The following ADAMTSL1 variants were observed in gnomAD, a reference collection of about 807,000 sequenced individuals.
ADAMTSL1 encodes the protein ADAMTS like 1.
ADAMTSL1 carries 126 observed loss-of-function variants against 201.8 expected under a neutral mutation model. That is an observed-to-expected ratio of 0.62 (90% CI 0.54 to 0.72). ADAMTSL1 has a LOEUF of 0.72. ADAMTSL1 is among the 30% of genes least tolerant of loss of function. The pLI is 0.00. For synonymous variants in ADAMTSL1, 1,121 were observed against 903.4 expected (o/e 1.24, Z -4.32); for missense variants, 2,679 against 2,277.8 (o/e 1.18, Z -3.59).
chr9:18,725,733 A>C (rs1359089229), intron 15 of ADAMTSL1, among the ~76,000 whole-genome samples: 1 of 152,342 alleles, frequency 6.6e-6, no homozygotes, highest in Non-Finnish European at 1.5e-5. Flanking sequence ...CATCTTCTTC[A>C]GTTCTAGTTC....
At chr9:18,144,394 C>G (rs1826538578) in intron 1 of ADAMTSL1, among the ~76,000 whole-genome samples, 1 of 151,958 alleles carries the variant, frequency 6.6e-6, no homozygotes, top group South Asian at 2.1e-4. Context: ...TTAGTAGAGA[C>G]AGGGTTTCAC....
intron 14 of ADAMTSL1, among the ~76,000 whole-genome samples, chr9:18,709,856 A>G (rs1280796402): frequency 6.6e-6 from 1 of 152,168 alleles, no homozygotes; most frequent in Non-Finnish European, 1.5e-5. Context: ...CTTCAGCAAA[A>G]ATGGAAGATG....
At chr9:18,302,632 AC>A (rs1833751294) in intron 2 of ADAMTSL1, among the ~76,000 whole-genome samples, 1 of 152,022 alleles carries the variant, frequency 6.6e-6, no homozygotes. Context: ...TATGACTTAA[AC>A]CCTTTTTCTT....
At position 18,777,562 on chromosome 9, in the gene ADAMTSL1, C is replaced by T. The variant is rs745929670; in HGVS notation, c.3333C>T (p.Ser1111=). The change falls in exon 19 of 29, where the codon AGC becomes AGT. Residue 1111 remains serine (S), a synonymous_variant. Transcript: ENST00000380548. ...VAQLAQEIFR[S]HLEHQDTLLK... ...AGCTGGCCCAGGAGATCTTCCGCAG[C>T]CACCTGGAGCACCAGGACACGCTCC... 3.7e-6 allele frequency: 6 copies of T among 1,607,520 alleles called. No individual in the cohort carries two copies. The African/African-American group carries it at 4.0e-5, about 11-fold the overall frequency.
At chr9:18,359,742 C>G (rs1451898564) in intron 2 of ADAMTSL1, among the ~76,000 whole-genome samples, 1 of 151,024 alleles carries the variant, frequency 6.6e-6, no homozygotes, top group Non-Finnish European at 1.5e-5. Flanking sequence ...TTATTTTTAA[C>G]TTTTCTAAGG....
chr9:18,903,927 A>G (rs973141309), intron 26 of ADAMTSL1, among the ~76,000 whole-genome samples: 1 of 151,232 alleles, frequency 6.6e-6, no homozygotes, highest in Non-Finnish European at 1.5e-5. Flanking sequence ...TACTCACTCT[A>G]TAGTAACTCA....
chr9:18,457,621 T>C lies in ADAMTSL1; in HGVS notation c.208-47208T>C, dbSNP rs544153043. Among the ~76,000 whole-genome samples, 5 of 152,272 alleles carry C rather than the reference T, an allele frequency of 3.3e-5. No individual in the cohort carries two copies. In the East Asian group the frequency reaches 9.7e-4, roughly 29 times the overall value. On this transcript the variant is annotated intron_variant, in intron 2 of 29. Coordinates refer to the ADAMTSL1 transcript ENST00000680146. ...AGTGCTGGGATTATAGGCATAAGCC[T>C]CTGCACCCGACCAGAAGAATTTCTA...
intron 8 of ADAMTSL1, 29 bp from the exon 9 acceptor site, chr9:18,661,906 A>C: frequency 6.2e-7 from 1 of 1,600,818 alleles, no homozygotes. Flanking sequence ...ATGTACATTT[A>C]AACTTGCCTG....
intron 1 of ADAMTSL1, among the ~76,000 whole-genome samples, chr9:18,066,273 T>C (rs1822696828): frequency 6.6e-6 from 1 of 152,088 alleles, no homozygotes; most frequent in Admixed American, 6.5e-5. Context: ...GCACCAATAA[T>C]AGAAGTATTA....
chr9:17,926,835 T>C (rs1826556975), intron 1 of ADAMTSL1, among the ~76,000 whole-genome samples: 1 of 152,212 alleles, frequency 6.6e-6, no homozygotes, highest in Non-Finnish European at 1.5e-5. Context: ...TTCTCCGACA[T>C]TACAGTGAAA....
At chr9:17,972,122 A>G (rs115749574) in intron 1 of ADAMTSL1, among the ~76,000 whole-genome samples, 3,192 of 151,818 alleles carry the variant, frequency 0.021, 112 homozygotes, top group African/African-American at 0.074. Flanking sequence ...TGTGGTGAGA[A>G]CATTTAAGTT....
intron 2 of ADAMTSL1, among the ~76,000 whole-genome samples, chr9:18,293,167 G>T (rs1479858419): frequency 1.3e-5 from 2 of 152,180 alleles, no homozygotes. Context: ...ATCCACCACT[G>T]ATGGGCACCT....
chr9:18,644,783 A>G (rs1361777498), intron 7 of ADAMTSL1, among the ~76,000 whole-genome samples: 1 of 151,644 alleles, frequency 6.6e-6, no homozygotes, highest in Admixed American at 6.6e-5. Flanking sequence ...AATCCAGTCT[A>G]TCATTGTTGG....
intron 21 of ADAMTSL1, among the ~76,000 whole-genome samples, chr9:18,818,976 T>C (rs529449688): frequency 6.6e-6 from 1 of 152,084 alleles, no homozygotes; most frequent in Non-Finnish European, 1.5e-5. Flanking sequence ...CTGACAGGGG[T>C]TGGCATGAAT....
chr9:18,730,595 G>A (rs897364535), intron 15 of ADAMTSL1, among the ~76,000 whole-genome samples: 1 of 152,102 alleles, frequency 6.6e-6, no homozygotes, highest in African/African-American at 2.4e-5. Context: ...ATTTTATCTA[G>A]TTATCTTTAT....
chr9:18,322,494 G>A (rs368454915), intron 2 of ADAMTSL1, among the ~76,000 whole-genome samples: 57 of 152,174 alleles, frequency 3.7e-4, no homozygotes, highest in East Asian at 1.2e-3. Flanking sequence ...TTAGCCAAAC[G>A]TGGTGGTGGG....
chr9:18,122,073 T>A (rs1327273949), intron 1 of ADAMTSL1, among the ~76,000 whole-genome samples: 1 of 152,202 alleles, frequency 6.6e-6, no homozygotes, highest in African/African-American at 2.4e-5. Flanking sequence ...CCTTTTATGA[T>A]ATGTGACCTG....
rs541306480 is a variant in ADAMTSL1 at position 17,934,772 on chromosome 9, G to A, written c.87+27850G>A. Among the ~76,000 whole-genome samples the A allele has an allele frequency of 1.4e-4, 22 of 151,742 alleles. No homozygotes were observed. The East Asian group carries it at 4.3e-3, about 30-fold the overall frequency. On this transcript the variant is annotated intron_variant, in intron 1 of 29. Transcript: ENST00000680146. ...TGTATTCTGACATATCTCCAGTTGT[G>A]ATGGATAAACTACCCATTTCCCCCA...
chr9:18,510,689 G>A (rs1817972406), intron 2 of ADAMTSL1, among the ~76,000 whole-genome samples: 1 of 151,654 alleles, frequency 6.6e-6, no homozygotes, highest in South Asian at 2.1e-4. Context: ...GTTTTATTGA[G>A]TAACTCTTAT....
Sources: allele counts gnomAD v4.1 joint callset (sites outside exome capture counted in the v4.1 genomes callset), GRCh38; gene constraint gnomAD v4.1.1; transcripts MANE v1.5; gene names NCBI Gene and HGNC (gene_info 2026-07-23, HGNC 2026-07-21).